RREB1: variants seen among roughly 807,000 people sequenced by gnomAD.
The protein encoded by RREB1 is ras-responsive element-binding protein 1.
A neutral mutation model predicts 117.8 loss-of-function variants in RREB1; 27 were observed. The ratio of observed to expected loss-of-function variants is 0.23; its 90% CI spans 0.17 to 0.32. The LOEUF is 0.32. RREB1 is among the 10% of genes least tolerant of loss of function. The pLI is 1.00. For synonymous variants in RREB1, 1,298 were observed against 1,026.7 expected (o/e 1.26, Z -5.05); for missense variants, 2,577 against 2,378.2 (o/e 1.08, Z -1.74).
chr6:7,248,898 G>C lies in RREB1; in HGVS notation c.5159G>C (p.Arg1720Pro), dbSNP rs748764341. 6.4e-7 allele frequency: 1 copy of C among 1,562,072 alleles called. No homozygotes were observed. The highest frequency in any genetic ancestry group is 8.7e-7 in the Non-Finnish European group (1 of 1,155,462). The part of the protein sequence containing the change: ...AALGQDLLEP[R>P]SKRPAHPILA... The stretch of plus-strand genomic sequence containing the variant: ...CTGGGGCAGGACCTGCTGGAGCCGC[G>C]CAGCAAGAGGCCTGCCCACCCAATC... The change falls in exon 13 of 13, where the codon CGC becomes CCC. Residue 1720 changes from arginine (R) to proline (P), a missense_variant. Transcript: ENST00000379938.
At chr6:7,232,667 A>G (rs1768071235) in intron 10 of RREB1, among the ~76,000 whole-genome samples, 1 of 151,988 alleles carries the variant, frequency 6.6e-6, no homozygotes, top group Non-Finnish European at 1.5e-5. Flanking sequence ...CAACCTGTCC[A>G]TCCCCAAGAA....
intron 1 of RREB1, among the ~76,000 whole-genome samples, chr6:7,135,555 T>C (rs1364088031): frequency 6.6e-6 from 1 of 152,200 alleles, no homozygotes; most frequent in African/African-American, 2.4e-5. Flanking sequence ...TTCTTCTGGT[T>C]CTGACAACAA....
chr6:7,177,727 C>T (rs754612262), intron 2 of RREB1, among the ~76,000 whole-genome samples: 10 of 151,680 alleles, frequency 6.6e-5, no homozygotes, highest in Non-Finnish European at 2.9e-5. Context: ...CTTTTTCTGT[C>T]TTTCTTGTCT....
At chr6:7,236,578 G>T (rs1001198971) in intron 10 of RREB1, among the ~76,000 whole-genome samples, 4 of 152,196 alleles carry the variant, frequency 2.6e-5, no homozygotes, top group African/African-American at 7.2e-5. Flanking sequence ...AAACCTGCCT[G>T]CAGGGGTGGA....
intron 1 of RREB1, among the ~76,000 whole-genome samples, chr6:7,174,282 C>G (rs1199842305): frequency 6.6e-6 from 1 of 150,976 alleles, no homozygotes; most frequent in African/African-American, 2.4e-5. Context: ...GAACCCAAAA[C>G]AAACAGCCTC....
chr6:7,190,940 G>A (rs921883351), intron 6 of RREB1, among the ~76,000 whole-genome samples: 1 of 152,230 alleles, frequency 6.6e-6, no homozygotes, highest in Non-Finnish European at 1.5e-5. Flanking sequence ...GGGCAAGTGG[G>A]CACATTGGTA....
intron 1 of RREB1, among the ~76,000 whole-genome samples, chr6:7,120,091 A>AC (rs1294487633): frequency 1.5e-5 from 2 of 130,958 alleles, no homozygotes; most frequent in African/African-American, 5.6e-5. Flanking sequence ...TTATGTCCCC[A>AC]CCCCCACCCC....
chr6:7,210,836 G>T lies in RREB1; in HGVS notation c.458G>T (p.Ser153Ile), dbSNP rs1409771032. Residue 153 changes from serine to isoleucine, a missense_variant, in exon 7 of 13, where the codon AGT (serine) becomes ATT (isoleucine). Ser to Ile is a moderately radical substitution (Grantham distance 142, BLOSUM62 -2). Transcript: ENST00000379938. ...HMKIHEKDPN[S>I]ATATAPPSPL... ...AAGATCCATGAGAAGGACCCTAACA[G>T]TGCCACAGCCACAGCCCCTCCATCT... 1 of 1,613,950 alleles carries T rather than the reference G, an allele frequency of 6.2e-7. No homozygotes were observed. Among genetic ancestry groups the T allele is most frequent in the Non-Finnish European group, 8.5e-7 (1 of 1,179,956 alleles).
chr6:7,167,150 T>C (rs1290693354), intron 1 of RREB1, among the ~76,000 whole-genome samples: 1 of 152,152 alleles, frequency 6.6e-6, no homozygotes, highest in Non-Finnish European at 1.5e-5. Flanking sequence ...GCCAGTAGTG[T>C]GTACTTCCGT....
At chr6:7,180,332 A>C (rs1350418838) in intron 2 of RREB1, among the ~76,000 whole-genome samples, 1 of 152,014 alleles carries the variant, frequency 6.6e-6, no homozygotes, top group African/African-American at 2.4e-5. Context: ...ATATCCCCTA[A>C]AGTTGGAGGA....
Position 7,248,666 on chromosome 6 carries a change from G to A in RREB1, c.4927G>A (p.Glu1643Lys), listed in dbSNP as rs1245717958. ...GCGGGGTGAGGAGGACAGCGAGAAT[G>A]AGTCCACCCACAGCGGCAACAACGC... is the stretch of plus-strand genomic sequence containing the variant. Reference protein sequence around the residue: ...EERGEEDSENESTHSGNNAVS... With the variant: ...EERGEEDSENKSTHSGNNAVS... Residue 1643 changes from glutamate (E) to lysine (K), a missense_variant, in exon 13 of 13, where the codon GAG becomes AAG. Coordinates refer to ENST00000379938, the MANE Select transcript of RREB1 (RefSeq NM_001003699.4). The A allele has an allele frequency of 1.2e-6, 2 of 1,614,174 alleles. No individual in the cohort carries two copies. Among genetic ancestry groups the A allele is most frequent in the South Asian group, 2.2e-5 (2 of 91,080 alleles).
At chr6:7,207,744 A>T (rs748939934) in intron 6 of RREB1, among the ~76,000 whole-genome samples, 39 of 152,208 alleles carry the variant, frequency 2.6e-4, no homozygotes, top group Non-Finnish European at 4.6e-4. Context: ...GCAGAGCTTG[A>T]GGGGGGCTGT....
chr6:7,240,966 G>A (rs1467158932), intron 11 of RREB1, among the ~76,000 whole-genome samples: 1 of 152,184 alleles, frequency 6.6e-6, no homozygotes, highest in Non-Finnish European at 1.5e-5. Context: ...ATCTAAAGGG[G>A]ATGTGAAACC....
intron 1 of RREB1, among the ~76,000 whole-genome samples, chr6:7,151,235 A>C (rs1763108639): frequency 6.6e-6 from 1 of 152,208 alleles, no homozygotes; most frequent in Non-Finnish European, 1.5e-5. Context: ...AATTGCTTTT[A>C]CTAGATATTG....
intron 1 of RREB1, among the ~76,000 whole-genome samples, chr6:7,176,247 T>C (rs1764494155): frequency 6.6e-6 from 1 of 152,216 alleles, no homozygotes; most frequent in African/African-American, 2.4e-5. Flanking sequence ...TGTCTTATTT[T>C]TCCCCCTCTG....
intron 8 of RREB1, among the ~76,000 whole-genome samples, chr6:7,223,731 A>G (rs1483144211): frequency 6.6e-6 from 1 of 152,202 alleles, no homozygotes; most frequent in East Asian, 1.9e-4. Context: ...GTACACACAT[A>G]CACATTCTCA....
At chr6:7,242,219 T>C (rs758480366) in intron 11 of RREB1, among the ~76,000 whole-genome samples, 15 of 152,172 alleles carry the variant, frequency 9.9e-5, no homozygotes, top group Non-Finnish European at 2.1e-4. Flanking sequence ...TTCAGCTTCT[T>C]TATCATAAGG....
chr6:7,171,208 C>T (rs572383720), intron 1 of RREB1, among the ~76,000 whole-genome samples: 1 of 152,316 alleles, frequency 6.6e-6, no homozygotes, highest in Admixed American at 6.5e-5. Flanking sequence ...GCAGAGCAAG[C>T]GTAGTGTTTC....
At chr6:7,159,711 T>C (rs1336871672) in intron 1 of RREB1, among the ~76,000 whole-genome samples, 1 of 152,070 alleles carries the variant, frequency 6.6e-6, no homozygotes, top group African/African-American at 2.4e-5. Flanking sequence ...CTGATGGCAG[T>C]AGTAAGTAAG....
Sources: gnomAD v4.1 joint callset for allele counts (sites outside exome capture counted in the v4.1 genomes callset) on GRCh38, gnomAD v4.1.1 for gene constraint, MANE v1.5 for transcripts, NCBI Gene and HGNC (gene_info 2026-07-23, HGNC 2026-07-21) for gene names.